The following CATSPERD variants were observed in gnomAD, a reference collection of about 807,000 sequenced individuals.
CATSPERD encodes cation channel sperm-associated auxiliary subunit delta.
CATSPERD carries 86 observed loss-of-function variants against 98.1 expected under a neutral mutation model. The observed-to-expected ratio is 0.88, with a 90% CI of 0.74 to 1.05. The LOEUF (loss-of-function observed/expected upper bound fraction) is 1.05, where lower values mean the gene tolerates loss of function less well. Ranked by LOEUF, CATSPERD falls within the 50% of genes least tolerant of loss-of-function variation. CATSPERD has a pLI of 0.00. For synonymous variants in CATSPERD, 394 were observed against 390.2 expected (o/e 1.01, Z -0.12); for missense variants, 995 against 1,005.7 (o/e 0.99, Z 0.14).
intron 13 of CATSPERD, 99 bp downstream of exon 13, chr19:5,754,344 G>T: frequency 1.6e-6 from 1 of 644,534 alleles, no homozygotes; most frequent in Non-Finnish European, 2.8e-6. Context: ...CCCACAAGGA[G>T]AGACGCTACT....
At position 5,741,786 on chromosome 19, in the gene CATSPERD, G is replaced by T. The variant is rs796834988; in HGVS notation, c.573+2347G>T. Among the ~76,000 whole-genome samples, 2 of 46,506 alleles carry T rather than the reference G, an allele frequency of 4.3e-5. 1 individual carries two copies. Among genetic ancestry groups the T allele is most frequent in the African/African-American group, 1.5e-4 (2 of 13,278 alleles). 30.5% of individuals were successfully genotyped at this position (46,506 alleles called of 152,430 possible). On this transcript the variant is annotated intron_variant, in intron 7 of 21. Transcript: ENST00000381624. ...CCCAGCACTTTGGGATGCTGAAGGCGGGGGGGGGGGGGTGGTGTGGATCAC... is the reference window on the plus strand; with the variant it reads ...CCCAGCACTTTGGGATGCTGAAGGCTGGGGGGGGGGGGTGGTGTGGATCAC...
At chr19:5,769,252 T>C (rs2145854381) in intron 18 of CATSPERD, among the ~76,000 whole-genome samples, 1 of 148,632 alleles carries the variant, frequency 6.7e-6, no homozygotes, top group South Asian at 2.1e-4. Context: ...GGAGGATTGC[T>C]TGAGGCCAGG....
intron 18 of CATSPERD, 39 bp downstream of exon 18, chr19:5,768,281 C>T (rs775980310): frequency 9.7e-6 from 15 of 1,547,938 alleles, no homozygotes; most frequent in African/African-American, 1.4e-5. Context: ...ACACCCAAGG[C>T]GACCATTGGG....
At chr19:5,770,088 C>CAAA (rs760375391) in intron 18 of CATSPERD, among the ~76,000 whole-genome samples, 3 of 67,174 alleles carry the variant, frequency 4.5e-5, no homozygotes, top group Non-Finnish European at 8.9e-5. Context: ...GACTCTGTCT[C>CAAA]AAAAAAAAAA....
At chr19:5,722,876 G>C (rs2055520978) in intron 1 of CATSPERD, among the ~76,000 whole-genome samples, 1 of 152,156 alleles carries the variant, frequency 6.6e-6, no homozygotes, top group South Asian at 2.1e-4. Flanking sequence ...TTCCTCAGCT[G>C]GGGTCTGTGA....
intron 11 of CATSPERD, among the ~76,000 whole-genome samples, chr19:5,750,050 C>T (rs1182069849): frequency 2.6e-5 from 4 of 151,308 alleles, no homozygotes; most frequent in African/African-American, 7.3e-5. Context: ...GTGATCCACC[C>T]GCCTAGGCCT....
At chr19:5,763,473 TA>T (rs917083046) in intron 16 of CATSPERD, among the ~76,000 whole-genome samples, 180 bp downstream of exon 16, 2 of 152,090 alleles carry the variant, frequency 1.3e-5, no homozygotes, top group African/African-American at 2.4e-5. Context: ...ATTGATGGCA[TA>T]AAAAAATTTA....
chr19:5,751,764 T>C lies in CATSPERD; in HGVS notation c.1105T>C (p.Cys369Arg), dbSNP rs375283936. ...CTTTCCAGCTTTTGATTTCCAGAAG[T>C]GCCTCGTGAATATCCAGGCGCTTCT... ...TAFPAFDFQK[C>R]LVNIQALLMD... Residue 369 changes from cysteine (C) to arginine (R), a missense_variant, in exon 12 of 22, where the codon TGC (cysteine) becomes CGC (arginine). By Grantham distance (180) the Cys-to-Arg change is radical. Transcript: ENST00000381624. The C allele has an allele frequency of 9.3e-6, 15 of 1,613,692 alleles. No homozygotes were observed. The highest frequency in any genetic ancestry group is 1.3e-5 in the Non-Finnish European group (15 of 1,179,938).
chr19:5,770,469 G>A (rs1276847410), intron 18 of CATSPERD, among the ~76,000 whole-genome samples: 1 of 149,646 alleles, frequency 6.7e-6, no homozygotes, highest in African/African-American at 2.5e-5. Context: ...GATTACTTTT[G>A]CACTGATCTA....
At chr19:5,775,758 G>A (rs534738265) in intron 20 of CATSPERD, among the ~76,000 whole-genome samples, 3 of 152,090 alleles carry the variant, frequency 2.0e-5, no homozygotes, top group East Asian at 1.9e-4. Context: ...TTACTAATAG[G>A]CTTCAGATGT....
At chr19:5,743,217 C>T (rs1027712745) in intron 7 of CATSPERD, among the ~76,000 whole-genome samples, 1 of 151,948 alleles carries the variant, frequency 6.6e-6, no homozygotes, top group Non-Finnish European at 1.5e-5. Flanking sequence ...GCAGGAGAAT[C>T]GATTGAACCC....
intron 17 of CATSPERD, 37 bp from the exon 18 acceptor site, chr19:5,768,131 G>A (rs761025056): frequency 1.3e-6 from 2 of 1,587,586 alleles, no homozygotes; most frequent in Non-Finnish European, 8.6e-7. Context: ...TTCTTTGTGA[G>A]GTCATGCCAT....
At chr19:5,772,387 C>A (rs2056665680) in intron 19 of CATSPERD, 1 of 255,712 alleles carries the variant, frequency 3.9e-6, no homozygotes, top group Admixed American at 5.1e-5. Flanking sequence ...GCCACTGCGC[C>A]CGGCTAATTT....
chr19:5,733,332 T>C (rs201854711), intron 4 of CATSPERD, among the ~76,000 whole-genome samples: 47,136 of 133,588 alleles, frequency 0.35, 8,311 homozygotes, highest in Non-Finnish European at 0.42. Context: ...TCTTTCTTTC[T>C]TTCCTTTCTT....
intron 21 of CATSPERD, 31 bp downstream of exon 21, chr19:5,776,346 G>A (rs747392794): frequency 6.2e-7 from 1 of 1,607,852 alleles, no homozygotes; most frequent in Admixed American, 1.7e-5. Context: ...CTACGACAGG[G>A]GACGCCTGGT....
chr19:5,749,045 T>A (rs1000145140), intron 10 of CATSPERD, 56 bp from the exon 11 acceptor site: 1 of 1,478,366 alleles, frequency 6.8e-7, no homozygotes, highest in East Asian at 2.3e-5. Context: ...TATGTTTTTG[T>A]CCACAGAAAT....
At chr19:5,748,718 T>G in intron 10 of CATSPERD, among the ~76,000 whole-genome samples, 1 of 135,316 alleles carries the variant, frequency 7.4e-6, no homozygotes, top group East Asian at 2.3e-4. Flanking sequence ...AAAATAGCTG[T>G]CATATTATTC....
chr19:5,750,774 A>G (rs1310709854), intron 11 of CATSPERD, among the ~76,000 whole-genome samples: 1 of 151,942 alleles, frequency 6.6e-6, no homozygotes, highest in Admixed American at 6.6e-5. Context: ...GGATGAATGA[A>G]GCTGAAGAGA....
intron 17 of CATSPERD, among the ~76,000 whole-genome samples, chr19:5,767,698 AG>A (rs2056567926): frequency 6.6e-6 from 1 of 151,530 alleles, no homozygotes; most frequent in Non-Finnish European, 1.5e-5. Flanking sequence ...CGTGTTAGCC[AG>A]GATGGCCTCG....
Sources: allele counts gnomAD v4.1 joint callset (sites outside exome capture counted in the v4.1 genomes callset), GRCh38; gene constraint gnomAD v4.1.1; transcripts MANE v1.5; gene names NCBI Gene and HGNC (gene_info 2026-07-23, HGNC 2026-07-21).